CD96: variants seen among roughly 807,000 people sequenced by gnomAD.
CD96 encodes T-cell surface protein tactile.
Under a neutral mutation model 71.3 loss-of-function variants are expected in CD96, and 70 were observed. The ratio of observed to expected loss-of-function variants is 0.98; its 90% CI spans 0.81 to 1.20. The LOEUF (loss-of-function observed/expected upper bound fraction) is 1.20. Ranked by LOEUF, CD96 falls within the 50% of genes most tolerant of loss-of-function variation. CD96 has a pLI of 0.00. For missense variants in CD96, 742 were observed against 677.5 expected (o/e 1.10, Z -1.06); for synonymous variants, 248 against 233.0 (o/e 1.06, Z -0.59).
At chr3:111,551,085 GA>G (rs1394599581) in intron 2 of CD96, among the ~76,000 whole-genome samples, 1 of 152,086 alleles carries the variant, frequency 6.6e-6, no homozygotes, top group Non-Finnish European at 1.5e-5. Context: ...TGGTGATTTG[GA>G]AAAAAGTAGA....
chr3:111,584,748 C>A (rs1343716122), intron 4 of CD96, among the ~76,000 whole-genome samples: 1 of 152,180 alleles, frequency 6.6e-6, no homozygotes, highest in Non-Finnish European at 1.5e-5. Flanking sequence ...CTCGCTGGGT[C>A]TCTTCCACAA....
chr3:111,637,160 A>T (rs1431481490), intron 10 of CD96, 36 bp from the exon 11 acceptor site: 1 of 1,100,802 alleles, frequency 9.1e-7, no homozygotes, highest in East Asian at 2.3e-5. Flanking sequence ...ATATAGTCTC[A>T]TATAGGTTAA....
At chr3:111,655,076 T>G (rs1940196899), downstream of CD96, among the ~76,000 whole-genome samples, 1 of 152,256 alleles carries the variant, frequency 6.6e-6, no homozygotes, top group Non-Finnish European at 1.5e-5. Context: ...CATTTTTGCA[T>G]CACTGGTTTG....
Position 111,630,598 on chromosome 3 carries a change from A to T in CD96, c.1321+6194A>T, listed in dbSNP as rs537088784. On this transcript the variant is annotated intron_variant, in intron 10 of 13. Transcript: ENST00000352690. ...AGAGGAACAAAGAAGAACTGGTACC[A>T]TTCCTACTGAAACCATTCTAAAAAA... Among the ~76,000 whole-genome samples the T allele has an allele frequency of 1.4e-3, 220 of 152,210 alleles. 1 individual carries two copies. The highest frequency in any genetic ancestry group is 2.3e-3 in the Non-Finnish European group (159 of 68,022).
At chr3:111,570,184 G>T (rs1935911792) in intron 3 of CD96, among the ~76,000 whole-genome samples, 1 of 152,196 alleles carries the variant, frequency 6.6e-6, no homozygotes, top group African/African-American at 2.4e-5. Context: ...GAGGGGGTAA[G>T]TGGGACCCTG....
At chr3:111,618,459 G>T (rs968070038) in intron 8 of CD96, among the ~76,000 whole-genome samples, 11 of 152,040 alleles carry the variant, frequency 7.2e-5, no homozygotes, top group Non-Finnish European at 1.5e-4. Context: ...ATACTGTCCA[G>T]TTTGAGAAGA....
chr3:111,560,209 T>C (rs1003777356), intron 2 of CD96, among the ~76,000 whole-genome samples: 1 of 152,074 alleles, frequency 6.6e-6, no homozygotes, highest in African/African-American at 2.4e-5. Flanking sequence ...TCCATTTACA[T>C]TTAAAGTTAA....
chr3:111,611,506 G>A (rs1937934284), intron 8 of CD96, among the ~76,000 whole-genome samples: 1 of 152,216 alleles, frequency 6.6e-6, no homozygotes, highest in South Asian at 2.1e-4. Flanking sequence ...ACAGTGAGAA[G>A]GCTCCAGTGA....
chr3:111,605,363 A>G (rs1937594095), intron 7 of CD96, among the ~76,000 whole-genome samples: 1 of 152,176 alleles, frequency 6.6e-6, no homozygotes, highest in Non-Finnish European at 1.5e-5. Context: ...AGTCACAGAG[A>G]GAATATTGTG....
intron 8 of CD96, chr3:111,612,754 A>G: frequency 3.4e-6 from 1 of 290,406 alleles, no homozygotes; most frequent in Non-Finnish European, 5.1e-6. Flanking sequence ...TTCTAGTGTG[A>G]AGCTGTTATA....
intron 5 of CD96, among the ~76,000 whole-genome samples, chr3:111,587,401 G>C (rs1238549101): frequency 6.6e-6 from 1 of 151,946 alleles, no homozygotes; most frequent in Non-Finnish European, 1.5e-5. Flanking sequence ...TCCCATTAGG[G>C]ACACAAGCTC....
chr3:111,571,271 T>C (rs1171522304), intron 3 of CD96, among the ~76,000 whole-genome samples: 1 of 149,010 alleles, frequency 6.7e-6, no homozygotes, highest in African/African-American at 2.5e-5. Flanking sequence ...TAGTATAGAG[T>C]CTAGAGCATA....
intron 8 of CD96, among the ~76,000 whole-genome samples, chr3:111,617,479 G>A (rs776065890): frequency 6.6e-6 from 1 of 152,188 alleles, no homozygotes; most frequent in Non-Finnish European, 1.5e-5. Flanking sequence ...GCCAGACTCA[G>A]AAAGAAGTCA....
intron 13 of CD96, among the ~76,000 whole-genome samples, chr3:111,649,366 T>A (rs1415756674): frequency 2.0e-5 from 3 of 152,166 alleles, no homozygotes; most frequent in Non-Finnish European, 4.4e-5. Flanking sequence ...AAGTAAATAA[T>A]GTTATGATAC....
chr3:111,652,243 T>A lies in CD96; in HGVS notation c.*2437T>A, dbSNP rs1290424043. The A allele has an allele frequency of 6.6e-6, 1 of 152,154 alleles. No individual in the cohort carries two copies. Among genetic ancestry groups the A allele is most frequent in the Non-Finnish European group, 1.5e-5 (1 of 68,022 alleles). 9.4% of individuals were successfully genotyped at this position (152,154 alleles called of 1,614,324 possible). The stretch of plus-strand genomic sequence containing the variant: ...AAATAAACTGTTTACCTGCCTTAAT[T>A]ATTTATCTTTAGTTCCTTATTAGTT... On this transcript the variant is annotated 3_prime_UTR_variant, in exon 14 of 14. Transcript: ENST00000352690.
In CD96 at chr3:111,585,367, G is replaced by A. The variant is rs1481771971; in HGVS notation, c.796G>A (p.Val266Ile). 6.2e-7 allele frequency: 1 copy of A among 1,606,864 alleles called. No individual in the cohort carries two copies. ...PVIVENNSTD[V>I]LVERRFTCLL... ...GATTGTGGAAAATAACTCCACGGAT[G>A]TCTTGGTAGAGGTGAGTCACATAAA... The change falls in exon 5 of 14, where the codon GTC becomes ATC. Residue 266 changes from valine (V) to isoleucine (I), a missense_variant. Val to Ile is a conservative substitution (Grantham distance 29, BLOSUM62 3). Coordinates refer to ENST00000352690, the MANE Select transcript of CD96 (RefSeq NM_005816.5).
At chr3:111,561,983 C>T (rs1302848874) in intron 2 of CD96, among the ~76,000 whole-genome samples, 29 of 151,714 alleles carry the variant, frequency 1.9e-4, no homozygotes, top group Middle Eastern at 3.4e-3. Context: ...CAGGTGCGTC[C>T]GTCACCCCTT....
At chr3:111,620,552 C>T (rs1348683502) in intron 8 of CD96, among the ~76,000 whole-genome samples, 1 of 152,138 alleles carries the variant, frequency 6.6e-6, no homozygotes, top group Non-Finnish European at 1.5e-5. Flanking sequence ...GTAAAGGGGT[C>T]ATTATCCCAA....
At chr3:111,573,420 C>T (rs1576335773) in intron 3 of CD96, among the ~76,000 whole-genome samples, 1 of 152,196 alleles carries the variant, frequency 6.6e-6, no homozygotes, top group South Asian at 2.1e-4. Context: ...GAAAATAGTT[C>T]AATTCCGACT....
Sources: gnomAD v4.1 joint callset for allele counts (sites outside exome capture counted in the v4.1 genomes callset) on GRCh38, gnomAD v4.1.1 for gene constraint, MANE v1.5 for transcripts, NCBI Gene and HGNC (gene_info 2026-07-23, HGNC 2026-07-21) for gene names.